The following ASIC2 variants were observed in gnomAD, a reference collection of about 807,000 sequenced individuals.
ASIC2 encodes the protein acid sensing ion channel subunit 2, also known as acid-sensing ion channel 2.
ASIC2 carries 25 observed loss-of-function variants against 57.3 expected under a neutral mutation model. The observed-to-expected ratio is 0.44, with a 90% CI of 0.32 to 0.61. The LOEUF (loss-of-function observed/expected upper bound fraction) is 0.61. ASIC2 is among the 20% of genes least tolerant of loss of function. The probability of loss-of-function intolerance (pLI) is 0.06; values close to 1 mark genes in which losing one functional copy is unlikely to be tolerated. For missense variants in ASIC2, 641 were observed against 738.1 expected (o/e 0.87, Z 1.52); for synonymous variants, 319 against 307.5 (o/e 1.04, Z -0.39).
chr17:34,152,342 G>A (rs1479235433), intron 1 of ASIC2, among the ~76,000 whole-genome samples: 2 of 152,156 alleles, frequency 1.3e-5, no homozygotes, highest in Non-Finnish European at 2.9e-5. Flanking sequence ...CCCCTAACAT[G>A]ATGAGCAGAG....
rs1239956519 is a variant in ASIC2, at chr17:33,070,892, C to G, written c.987+17971G>C. On this transcript the variant is annotated intron_variant, in intron 3 of 9. Coordinates refer to ENST00000225823, the MANE Select transcript of ASIC2 (RefSeq NM_183377.2). ...TACTAGATATAGATTTTTAGATTGA[C>G]AGCTTTTTTTTTTCTTCCAATACTT... is the stretch of plus-strand genomic sequence containing the variant. Among the ~76,000 whole-genome samples, 5 of 151,850 alleles carry G rather than the reference C, an allele frequency of 3.3e-5. No individual in the cohort carries two copies. The East Asian group carries it at 9.7e-4, about 29-fold the overall frequency.
chr17:33,958,460 C>CTCAATTCTTG (rs71147410), intron 1 of ASIC2, among the ~76,000 whole-genome samples: 15,859 of 152,168 alleles, frequency 0.1, 985 homozygotes, highest in Middle Eastern at 0.17. Flanking sequence ...GTTCCCAAAT[C>CTCAATTCTTG]TCAATTCTTG....
chr17:33,459,589 T>C (rs924284424), intron 1 of ASIC2, among the ~76,000 whole-genome samples: 1 of 152,242 alleles, frequency 6.6e-6, no homozygotes, highest in Middle Eastern at 3.2e-3. Flanking sequence ...TAAAAGGATA[T>C]TGGCTCCCAG....
chr17:33,925,094 G>C (rs562502606), intron 1 of ASIC2, among the ~76,000 whole-genome samples: 9 of 152,224 alleles, frequency 5.9e-5, no homozygotes, highest in Non-Finnish European at 1.2e-4. Flanking sequence ...CATGCTGCAG[G>C]GTTGATGCCT....
At chr17:33,972,276 G>A (rs1283800257) in intron 1 of ASIC2, among the ~76,000 whole-genome samples, 1 of 152,108 alleles carries the variant, frequency 6.6e-6, no homozygotes, top group Non-Finnish European at 1.5e-5. Flanking sequence ...ATGTACAGTA[G>A]GTGACCAATA....
intron 1 of ASIC2, among the ~76,000 whole-genome samples, chr17:33,825,576 A>T (rs1912880328): frequency 6.6e-6 from 1 of 152,220 alleles, no homozygotes; most frequent in Non-Finnish European, 1.5e-5. Context: ...CAGGGGAAAG[A>T]ACTACCTCCT....
At chr17:33,657,540 A>G (rs1013671227) in intron 1 of ASIC2, among the ~76,000 whole-genome samples, 3 of 152,098 alleles carry the variant, frequency 2.0e-5, no homozygotes, top group African/African-American at 7.2e-5. Context: ...TCAGTTCTGT[A>G]TCGTGATGGG....
intron 1 of ASIC2, among the ~76,000 whole-genome samples, chr17:33,458,789 C>G (rs1219865054): frequency 2.6e-5 from 4 of 152,156 alleles, no homozygotes; most frequent in African/African-American, 9.7e-5. Flanking sequence ...CTCTTCCAGT[C>G]TAAAATGGTC....
At chr17:33,693,022 T>A (rs1288483093) in intron 1 of ASIC2, among the ~76,000 whole-genome samples, 3 of 152,202 alleles carry the variant, frequency 2.0e-5, no homozygotes, top group African/African-American at 7.2e-5. Flanking sequence ...GGTTATGAGG[T>A]TATTATTTTC....
chr17:33,787,637 G>A (rs535542012), intron 1 of ASIC2, among the ~76,000 whole-genome samples: 55 of 152,324 alleles, frequency 3.6e-4, no homozygotes, highest in African/African-American at 1.3e-3. Flanking sequence ...GCAGCATGTA[G>A]GGGAGGGTGA....
At chr17:33,074,368 C>G (rs1435988531) in intron 3 of ASIC2, among the ~76,000 whole-genome samples, 1 of 152,208 alleles carries the variant, frequency 6.6e-6, no homozygotes, top group East Asian at 1.9e-4. Flanking sequence ...CATACCCTCT[C>G]CATGCCTTTT....
chr17:33,175,633 G>T (rs1024324170), intron 1 of ASIC2, among the ~76,000 whole-genome samples: 15 of 152,062 alleles, frequency 9.9e-5, no homozygotes, highest in East Asian at 3.8e-4. Flanking sequence ...TACTATTAAA[G>T]AGGCAACATT....
chr17:33,091,204 T>G (rs889958507), intron 2 of ASIC2, among the ~76,000 whole-genome samples: 7 of 152,174 alleles, frequency 4.6e-5, no homozygotes, highest in Admixed American at 4.6e-4. Context: ...AAGGGAGGAC[T>G]GGATGGAATG....
chr17:33,195,552 TG>T (rs1906590035), intron 1 of ASIC2, among the ~76,000 whole-genome samples: 1 of 152,232 alleles, frequency 6.6e-6, no homozygotes, highest in Admixed American at 6.5e-5. Flanking sequence ...GTATAGTAAA[TG>T]GTTACTGGCC....
chr17:33,347,137 A>G (rs1310872656), intron 1 of ASIC2, among the ~76,000 whole-genome samples: 1 of 152,142 alleles, frequency 6.6e-6, no homozygotes, highest in Non-Finnish European at 1.5e-5. Flanking sequence ...CTTGGGAAGG[A>G]AAGATGAATG....
intron 1 of ASIC2, among the ~76,000 whole-genome samples, chr17:33,333,110 T>A (rs146073298): frequency 2.3e-4 from 35 of 152,326 alleles, no homozygotes; most frequent in African/African-American, 7.5e-4. Context: ...GAACCTTACT[T>A]TGGCAGGGTG....
At chr17:33,307,725 A>G (rs1454740536) in intron 1 of ASIC2, among the ~76,000 whole-genome samples, 4 of 152,160 alleles carry the variant, frequency 2.6e-5, no homozygotes, top group Non-Finnish European at 5.9e-5. Flanking sequence ...CTGGTGGGGG[A>G]ACTTGAGGAA....
intron 1 of ASIC2, among the ~76,000 whole-genome samples, chr17:33,593,187 C>T (rs1332921106): frequency 6.6e-6 from 1 of 152,178 alleles, no homozygotes; most frequent in Non-Finnish European, 1.5e-5. Context: ...ATCAAAACAT[C>T]CACTGCAGAT....
At chr17:33,365,990 G>A (rs1460543737) in intron 1 of ASIC2, among the ~76,000 whole-genome samples, 2 of 152,182 alleles carry the variant, frequency 1.3e-5, no homozygotes. Flanking sequence ...GCTAAGGCAG[G>A]TTGGAATAGC....
Sources: gnomAD v4.1 joint callset for allele counts (sites outside exome capture counted in the v4.1 genomes callset) on GRCh38, gnomAD v4.1.1 for gene constraint, MANE v1.5 for transcripts, NCBI Gene and HGNC (gene_info 2026-07-23, HGNC 2026-07-21) for gene names.